Variants in FAT2 observed in about 807,000 individuals in gnomAD.
FAT2 encodes the protein FAT atypical cadherin 2.
FAT2 carries 150 observed loss-of-function variants against 295.3 expected under a neutral mutation model. That is an observed-to-expected ratio of 0.51 (90% CI 0.44 to 0.58). FAT2 has a LOEUF of 0.58. Ranked by LOEUF, FAT2 falls within the 20% of genes least tolerant of loss-of-function variation. FAT2 has a pLI of 0.00. For synonymous variants in FAT2, 2,026 were observed against 2,150.3 expected (o/e 0.94, Z 1.60); for missense variants, 4,868 against 5,442.7 (o/e 0.89, Z 3.32).
At position 151,542,899 on chromosome 5, in the gene FAT2, T is replaced by A. The variant is rs1317813860; in HGVS notation, c.8228A>T (p.Asp2743Val). 6.2e-7 allele frequency: 1 copy of A among 1,614,014 alleles called. No homozygotes were observed. Among genetic ancestry groups the A allele is most frequent in the Non-Finnish European group, 8.5e-7 (1 of 1,180,012 alleles). Residue 2743 changes from aspartate (D) to valine (V), a missense_variant, in exon 10 of 24, where the codon GAC becomes GTC. Physicochemically the swap from Asp to Val is radical, Grantham distance 152. Around this residue, in one of 5 missense-constraint regions of FAT2, gnomAD observed 3,297 missense variants for 3,669.4 expected, o/e 0.90. Transcript: ENST00000261800. ...ESNKDGVFSL[D>V]PDTGVIKVRK... ...CACCTTTATGACCCCTGTGTCTGGG[T>A]CTAGGGAGAAGACACCATCCTTGTT...
rs1396679006 is a variant in FAT2, at chr5:151,546,191, C to G, written c.4936G>C (p.Val1646Leu). 6.2e-7 allele frequency: 1 copy of G among 1,614,172 alleles called. No homozygotes were observed. The highest frequency in any genetic ancestry group is 8.5e-7 in the Non-Finnish European group (1 of 1,180,028). ...TCTGAGGGATAGACATGAATGATCA[C>G]TGTAGCCAGGTCATGCCATTGTGGG... ...GSPQWHDLAT[V>L]IIHVYPSDRS... Residue 1646 changes from valine to leucine, a missense_variant, in exon 10 of 24, where the codon GTG becomes CTG. By Grantham distance (32) the Val-to-Leu change is conservative. This residue lies in a region of FAT2 where 3,297 missense variants were observed against 3,669.4 expected (regional missense o/e 0.90). Transcript: ENST00000261800.
In FAT2 at chr5:151,512,630, A is replaced by G. The variant is rs745837864; in HGVS notation, c.11464-24T>C. ...AGCTGCAAAGGAAATCCAAACAGCC[A>G]TCAGCAAAGCCAAGGAGTCCTTGTA... On this transcript the variant is annotated intron_variant, in intron 20 of 23. Coordinates refer to ENST00000261800, the MANE Select transcript of FAT2 (RefSeq NM_001447.3). This position sits in a 1 kb window ranked among gnomAD's most constrained non-coding sequence, Gnocchi z 4.1. 4 of 1,565,660 alleles carry G rather than the reference A, an allele frequency of 2.6e-6. No homozygotes were observed. The highest frequency in any genetic ancestry group is 1.7e-4 in the Middle Eastern group (1 of 5,984).
chr5:151,565,131 A>T (rs1479468637), intron 2 of FAT2, among the ~76,000 whole-genome samples: 1 of 152,214 alleles, frequency 6.6e-6, no homozygotes, highest in Admixed American at 6.5e-5. Flanking sequence ...AAAAGTATAT[A>T]AATAAGAATA....
At position 151,521,491 on chromosome 5, in the gene FAT2, G is replaced by T. The variant is rs761554651; in HGVS notation, c.11102C>A (p.Ser3701Tyr). 3.1e-6 allele frequency: 5 copies of T among 1,614,220 alleles called. No homozygotes were observed. In the South Asian group the frequency reaches 5.5e-5, roughly 18 times the overall value. Residue 3701 changes from serine (S) to tyrosine (Y), a missense_variant, in exon 19 of 24, where the codon TCC (serine) becomes TAC (tyrosine). Transcript: ENST00000261800. Reference protein sequence around the residue: ...GTFYEFQELASIITHSAKEME... With the variant: ...GTFYEFQELAYIITHSAKEME... ...CTCCTTGGCTGAGTGAGTGATGATG[G>T]ATGCTAGCTCCTGAAACTCGTAGAA...
chr5:151,518,403 A>G (rs1753105880), intron 19 of FAT2, among the ~76,000 whole-genome samples: 1 of 149,434 alleles, frequency 6.7e-6, no homozygotes, highest in South Asian at 2.1e-4. Context: ...AAATCAGGCC[A>G]GAAATGTAAT....
In FAT2 at chr5:151,549,382, T is replaced by C. The variant is rs1756971338; in HGVS notation, c.4702A>G (p.Ile1568Val). ...TGCAGCAGCTCTGTGCCGGGGGCTA[T>C]GGTGTCAGGAACACTTGCCTCATAA... Reference protein sequence around the residue: ...LHYEASVPDTIAPGTELLQVR... With the variant: ...LHYEASVPDTVAPGTELLQVR... The change falls in exon 9 of 24, where the codon ATA becomes GTA. Residue 1568 changes from isoleucine (I) to valine (V), a missense_variant. Around this residue, in one of 5 missense-constraint regions of FAT2, gnomAD observed 3,297 missense variants for 3,669.4 expected, o/e 0.90. Coordinates refer to ENST00000261800, the MANE Select transcript of FAT2 (RefSeq NM_001447.3). 1 of 1,614,116 alleles carries C rather than the reference T, an allele frequency of 6.2e-7. No homozygotes were observed. Among genetic ancestry groups the C allele is most frequent in the South Asian group, 1.1e-5 (1 of 91,080 alleles).
chr5:151,569,432 A>G (rs934250424), intron 1 of FAT2, among the ~76,000 whole-genome samples: 2 of 152,106 alleles, frequency 1.3e-5, no homozygotes, highest in African/African-American at 2.4e-5. Context: ...ACACACCCCC[A>G]TGATTCAATT....
intron 12 of FAT2, among the ~76,000 whole-genome samples, chr5:151,536,734 G>C (rs934903791): frequency 6.6e-6 from 1 of 152,194 alleles, no homozygotes; most frequent in Non-Finnish European, 1.5e-5. Flanking sequence ...TCTCACCTGT[G>C]TTATAACAAT....
chr5:151,560,257 T>C (rs56838504), intron 3 of FAT2, among the ~76,000 whole-genome samples: 6,856 of 152,284 alleles, frequency 0.045, 365 homozygotes, highest in African/African-American at 0.13. Flanking sequence ...TTCTATAGCT[T>C]TGTATATTAA....
chr5:151,531,937 T>G lies in FAT2; in HGVS notation c.9461A>C (p.Asp3154Ala), dbSNP rs1306949704. 1 of 1,614,082 alleles carries G rather than the reference T, an allele frequency of 6.2e-7. No individual in the cohort carries two copies. The highest frequency in any genetic ancestry group is 2.2e-5 in the East Asian group (1 of 44,898). ...GATGGAAAAGTGGCCTTCGGCTGAA[T>G]CCGGCAGAGAGTAAACCACCTGGGC... ...ANAQVVYSLPDSAEGHFSIDA... is the reference protein window; with the variant it reads ...ANAQVVYSLPASAEGHFSIDA... The change falls in exon 14 of 24, where the codon GAT becomes GCT. Residue 3154 changes from aspartate to alanine, a missense_variant. Around this residue, in one of 5 missense-constraint regions of FAT2, gnomAD observed 1,046 missense variants for 1,210.1 expected, o/e 0.86. Coordinates refer to ENST00000261800, the MANE Select transcript of FAT2 (RefSeq NM_001447.3). The surrounding 1 kb of genome is among the most constrained non-coding windows in gnomAD (Gnocchi z 5.7).
At chr5:151,574,268 G>C (rs949626453) in intron 1 of FAT2, among the ~76,000 whole-genome samples, 1 of 152,114 alleles carries the variant, frequency 6.6e-6, no homozygotes, top group Non-Finnish European at 1.5e-5. Flanking sequence ...TTTCTCATCT[G>C]TAAATAATGT....
chr5:151,573,414 G>A (rs1389443470), intron 1 of FAT2, among the ~76,000 whole-genome samples: 1 of 152,212 alleles, frequency 6.6e-6, no homozygotes, highest in East Asian at 1.9e-4. Flanking sequence ...TCAGGACTTT[G>A]GGAGGCCAAG....
At position 151,581,786 on chromosome 5, in the gene FAT2, A is replaced by G. The variant is rs368586397; in HGVS notation, c.-21+9379T>C. Among the ~76,000 whole-genome samples, 11 of 152,254 alleles carry G rather than the reference A, an allele frequency of 7.2e-5. 1 individual carries two copies. The highest frequency in any genetic ancestry group is 2.0e-4 in the Admixed American group (3 of 15,304). On this transcript the variant is annotated intron_variant, in intron 1 of 23. Transcript: ENST00000261800. Reference sequence around the variant, plus strand: ...TCCCCCTGGCCCGCTCCCCATGCCCATGGGTTAGAAAGAGCAATTGTGAAG... The same window carrying G: ...TCCCCCTGGCCCGCTCCCCATGCCCGTGGGTTAGAAAGAGCAATTGTGAAG...
At chr5:151,562,346 T>C (rs1193065838) in intron 3 of FAT2, among the ~76,000 whole-genome samples, 2 of 152,130 alleles carry the variant, frequency 1.3e-5, no homozygotes, top group Non-Finnish European at 2.9e-5. Context: ...CAGTGGGGAA[T>C]ATGTCAGCCT....
Position 151,540,774 on chromosome 5 carries a change from G to A in FAT2, c.8843-11C>T, listed in dbSNP as rs777388997. The A allele has an allele frequency of 6.2e-7, 1 of 1,600,618 alleles. No individual in the cohort carries two copies. The highest frequency in any genetic ancestry group is 1.7e-5 in the Admixed American group (1 of 59,418). ...CCAGGGGGTCTCCCTCTAAACAGAT[G>A]GGGCAGAGCTTTCAGAAGCCAAGCA... On this transcript the variant is annotated splice_polypyrimidine_tract_variant and intron_variant, in intron 10 of 23. Coordinates refer to ENST00000261800, the MANE Select transcript of FAT2 (RefSeq NM_001447.3).
At position 151,505,573 on chromosome 5, in the gene FAT2, T is replaced by C. The variant is rs768452355; in HGVS notation, c.13042A>G (p.Met4348Val). The C allele has an allele frequency of 6.2e-6, 10 of 1,613,960 alleles. No individual in the cohort carries two copies. The East Asian group carries it at 6.7e-5, about 11-fold the overall frequency. The change falls in exon 24 of 24, where the codon ATG (methionine) becomes GTG (valine). Residue 4348 changes from methionine to valine, a missense_variant. Coordinates refer to ENST00000261800, the MANE Select transcript of FAT2 (RefSeq NM_001447.3). The part of the protein sequence containing the change: ...ESDYGSCEEV[M>V]F ...GCTCTGGGAATGGGAAGCTAGAACA[T>C]GACCTCCTCACAGCTGCCATAATCA...
chr5:151,580,814 A>G (rs779867643), intron 1 of FAT2, among the ~76,000 whole-genome samples: 1 of 152,156 alleles, frequency 6.6e-6, no homozygotes, highest in African/African-American at 2.4e-5. Context: ...AAAAACATAC[A>G]TCTCCCGATC....
chr5:151,592,143 C>G (rs1047815234), upstream of FAT2, among the ~76,000 whole-genome samples: 3 of 152,170 alleles, frequency 2.0e-5, no homozygotes, highest in Non-Finnish European at 1.5e-5. Flanking sequence ...TGAGGTGCCT[C>G]TCTGTTCTGG....
intron 3 of FAT2, among the ~76,000 whole-genome samples, chr5:151,556,642 C>T (rs1757715081): frequency 6.6e-6 from 1 of 152,094 alleles, no homozygotes; most frequent in Non-Finnish European, 1.5e-5. Flanking sequence ...CTGTTTTTTA[C>T]TTTCACTTCA....
Sources: gnomAD v4.1 joint callset for allele counts (sites outside exome capture counted in the v4.1 genomes callset) on GRCh38, gnomAD v4.1.1 for gene constraint, gnomAD v4.1.1 regional missense constraint, Gnocchi (gnomAD v3.1) non-coding constraint, MANE v1.5 for transcripts, NCBI Gene and HGNC (gene_info 2026-07-23, HGNC 2026-07-21) for gene names.